Variants in MRC1 observed in about 807,000 individuals in gnomAD.
MRC1 encodes the protein macrophage mannose receptor 1.
MRC1 carries 62 observed loss-of-function variants against 102.9 expected under a neutral mutation model. That is an observed-to-expected ratio of 0.60 (90% CI 0.49 to 0.74). MRC1 has a LOEUF of 0.74. Ranked by LOEUF, MRC1 falls within the 30% of genes least tolerant of loss-of-function variation. MRC1 has a pLI of 0.00. For synonymous variants in MRC1, 457 were observed against 298.4 expected (o/e 1.53, Z -5.48); for missense variants, 1,237 against 862.8 (o/e 1.43, Z -5.43).
intron 3 of MRC1, among the ~76,000 whole-genome samples, chr10:17,828,451 C>G (rs1031091310): frequency 6.6e-6 from 1 of 151,472 alleles, no homozygotes; most frequent in African/African-American, 2.4e-5. Context: ...ATACTTAACA[C>G]GGGAGGTAGG....
intron 2 of MRC1, 88 bp from the exon 3 acceptor site, chr10:17,827,454 A>G (rs1838498258): frequency 5.6e-6 from 4 of 719,298 alleles, no homozygotes; most frequent in Admixed American, 3.5e-5. Flanking sequence ...GAACAGTAAG[A>G]CCAATTCCTT....
At chr10:17,843,449 C>T (rs1012102466) in intron 5 of MRC1, among the ~76,000 whole-genome samples, 1 of 151,968 alleles carries the variant, frequency 6.6e-6, no homozygotes, top group Non-Finnish European at 1.5e-5. Context: ...GGGTGGATCC[C>T]GAGGTCAGGA....
At chr10:17,869,057 G>C (rs1179593509) in intron 12 of MRC1, among the ~76,000 whole-genome samples, 1 of 152,182 alleles carries the variant, frequency 6.6e-6, no homozygotes, top group East Asian at 1.9e-4. Context: ...TTTACCCAGA[G>C]CAGAGAAGGG....
chr10:17,817,602 G>A (rs1401861653), intron 1 of MRC1, among the ~76,000 whole-genome samples: 7 of 152,154 alleles, frequency 4.6e-5, no homozygotes, highest in Non-Finnish European at 1.0e-4. Flanking sequence ...GTAAGATCAA[G>A]TTAGGATGGA....
At chr10:17,852,810 G>T (rs1458444555) in intron 7 of MRC1, among the ~76,000 whole-genome samples, 157 bp from the exon 8 acceptor site, 1 of 152,152 alleles carries the variant, frequency 6.6e-6, no homozygotes, top group African/African-American at 2.4e-5. Flanking sequence ...CAGCATGTAG[G>T]TCAGATGAGC....
At chr10:17,906,352 C>T (rs1833895044) in intron 26 of MRC1, among the ~76,000 whole-genome samples, 1 of 151,278 alleles carries the variant, frequency 6.6e-6, no homozygotes, top group African/African-American at 2.4e-5. Flanking sequence ...CCAGCCAAAC[C>T]AAGCTATCTC....
In MRC1 at chr10:17,866,722, G is replaced by C; in HGVS notation, c.1944G>C (p.Glu648Asp). 4 of 780,818 alleles carry C rather than the reference G, an allele frequency of 5.1e-6. No individual in the cohort carries two copies. Among genetic ancestry groups the C allele is most frequent in the Non-Finnish European group, 9.6e-6 (4 of 417,950 alleles). 48.4% of individuals were successfully genotyped at this position (780,818 alleles called of 1,614,324 possible). ...CGACTCCCGAACCCAAATGTCCGGA[G>C]GATTGGGGCGCCAGCAGTAGAACAA... ...PTTTPEPKCP[E>D]DWGASSRTSL... Residue 648 changes from glutamate (E) to aspartate (D), a missense_variant, in exon 12 of 30, where the codon GAG (glutamate) becomes GAC (aspartate). Transcript: ENST00000569591.
intron 26 of MRC1, among the ~76,000 whole-genome samples, chr10:17,903,662 C>T (rs1833860033): frequency 6.6e-6 from 1 of 152,042 alleles, no homozygotes; most frequent in South Asian, 2.1e-4. Flanking sequence ...TCCCAAAGTA[C>T]TGGGATTACT....
chr10:17,872,265 T>C (rs1490828133), intron 15 of MRC1, 139 bp downstream of exon 15: 9 of 758,956 alleles, frequency 1.2e-5, no homozygotes, highest in African/African-American at 3.4e-5. Context: ...TTGCATAGGA[T>C]AAGCATGAAG....
Position 17,885,429 on chromosome 10 carries a change from T to C in MRC1, c.3141T>C (p.Tyr1047=). ...GTGGAAGAAGAAGCAGTCTTTCTTATGAAGATGTAAATATCAGATTCAGGT... is the reference window on the plus strand; with the variant it reads ...GTGGAAGAAGAAGCAGTCTTTCTTACGAAGATGTAAATATCAGATTCAGGT... ...YPGGRRSSLS[Y]EDADCVVIIG... Residue 1047 remains tyrosine (Y), a synonymous_variant, in exon 22 of 30, where the codon TAT becomes TAC. Transcript: ENST00000569591. 1 of 780,856 alleles carries C rather than the reference T, an allele frequency of 1.3e-6. No individual in the cohort carries two copies. 48.4% of individuals were successfully genotyped at this position (780,856 alleles called of 1,614,324 possible).
rs1002724815 is a variant in MRC1, at chr10:17,818,296, A to T, written c.62-4778A>T. On this transcript the variant is annotated intron_variant, in intron 1 of 29. Transcript: ENST00000569591. ...TAATAAACATTCTTTCATTCATTCA[A>T]CTAATTATTTGTTGAGAGATTATTT... Among the ~76,000 whole-genome samples the T allele has an allele frequency of 1.9e-4, 29 of 152,346 alleles. No homozygotes were observed. In the South Asian group the frequency reaches 6.0e-3, roughly 32 times the overall value.
chr10:17,814,357 A>G (rs1838273348), intron 1 of MRC1, among the ~76,000 whole-genome samples: 1 of 152,130 alleles, frequency 6.6e-6, no homozygotes, highest in Non-Finnish European at 1.5e-5. Flanking sequence ...ATTTTTTTAG[A>G]CTTTTCACTT....
chr10:17,864,589 G>C (rs1833234248), intron 11 of MRC1, among the ~76,000 whole-genome samples: 1 of 152,052 alleles, frequency 6.6e-6, no homozygotes, highest in African/African-American at 2.4e-5. Flanking sequence ...AACACTTTGG[G>C]AGGCAGAGGC....
chr10:17,864,549 T>A (rs1282445230), intron 11 of MRC1, among the ~76,000 whole-genome samples: 1 of 151,460 alleles, frequency 6.6e-6, no homozygotes, highest in Non-Finnish European at 1.5e-5. Flanking sequence ...GAAGTGGAGG[T>A]CGGCCGCGGT....
In MRC1 at chr10:17,891,732, TG is replaced by T. The variant is rs1295697440; in HGVS notation, c.3148-2477del. On this transcript the variant is annotated intron_variant, in intron 22 of 29. Coordinates refer to ENST00000569591, the MANE Select transcript of MRC1 (RefSeq NM_002438.4). Reference sequence around the variant, plus strand: ...GTTTGCTGTTTGCTGTCACTTTAGGTGTCAGAGGTTAAAATCTCTGGTGTCC... The same window carrying T: ...GTTTGCTGTTTGCTGTCACTTTAGGTTCAGAGGTTAAAATCTCTGGTGTCC... Among the ~76,000 whole-genome samples, 3 of 152,210 alleles carry T rather than the reference TG, an allele frequency of 2.0e-5. No individual in the cohort carries two copies. In the East Asian group the frequency reaches 5.8e-4, roughly 29 times the overall value.
At chr10:17,812,241 C>T (rs1040698241) in intron 1 of MRC1, among the ~76,000 whole-genome samples, 2 of 152,164 alleles carry the variant, frequency 1.3e-5, no homozygotes, top group Non-Finnish European at 2.9e-5. Flanking sequence ...GTTCTTGCCG[C>T]ACTATCTTTT....
In MRC1 at chr10:17,856,305, C is replaced by T. The variant is rs1833091679; in HGVS notation, c.1471C>T (p.Arg491Ter). 3.5e-6 allele frequency: 3 copies of T among 863,044 alleles called. No individual in the cohort carries two copies. Among genetic ancestry groups the T allele is most frequent in the East Asian group, 2.4e-5 (1 of 41,500 alleles). The allele number at this position is 863,044 out of a possible 1,614,324, so 53.5% of individuals were successfully genotyped here. A position where few individuals can be genotyped will look rare whatever the true frequency, so the allele number is the denominator to read the frequency against. The change falls in exon 9 of 30, where the codon CGA becomes TGA. Residue 491 changes from arginine (R) to a stop codon, truncating the protein, a stop_gained. Transcript: ENST00000569591. LOFTEE classifies it high-confidence loss of function. ...PLGYICKMKS[R>*]SQGPEIVEVE... ...TGGCTACATCTGCAAGATGAAATCACGAAGCCAAGGTCCAGAAATAGTGGA... is the reference window on the plus strand; with the variant it reads ...TGGCTACATCTGCAAGATGAAATCATGAAGCCAAGGTCCAGAAATAGTGGA...
chr10:17,841,497 C>A (rs1368846247), intron 5 of MRC1, among the ~76,000 whole-genome samples: 2 of 152,116 alleles, frequency 1.3e-5, no homozygotes, highest in African/African-American at 4.8e-5. Context: ...ATGATAAAAC[C>A]TACAACAGCT....
chr10:17,823,201 A>G lies in MRC1; in HGVS notation c.189A>G (p.Glu63=). The change falls in exon 2 of 30, where the codon GAA becomes GAG. Residue 63 remains glutamate, a synonymous_variant. Transcript: ENST00000569591. The part of the protein sequence containing the change: ...AESQKFRWVS[E]SQIMSVAFKL... The stretch of plus-strand genomic sequence containing the variant: ...CACAGAAATTCCGATGGGTGTCCGA[A>G]TCTCAGATTATGAGTGTTGCATTTA... The G allele has an allele frequency of 2.6e-6, 2 of 780,892 alleles. No homozygotes were observed. 48.4% of individuals were successfully genotyped at this position (780,892 alleles called of 1,614,324 possible).
Sources: allele counts gnomAD v4.1 joint callset (sites outside exome capture counted in the v4.1 genomes callset), GRCh38; gene constraint gnomAD v4.1.1; transcripts MANE v1.5; gene names NCBI Gene and HGNC (gene_info 2026-07-23, HGNC 2026-07-21).